HEMK2: variants seen among roughly 807,000 people sequenced by gnomAD.
HEMK2 encodes methyltransferase HEMK2.
At chr21:28,699,625 T>A in the HEMK2 span, among the ~76,000 whole-genome samples, 1 of 152,190 alleles carries the variant, frequency 6.6e-6, no homozygotes, top group South Asian at 2.1e-4. Context: ...CGATTTAAGA[T>A]TTTATCAAAT....
At chr21:28,671,113 G>A in the HEMK2 span, 1 of 152,226 alleles carries the variant, frequency 6.6e-6, no homozygotes, top group Non-Finnish European at 1.5e-5. Flanking sequence ...GGAACAAGGA[G>A]GGGCAAGAGC....
At chr21:28,712,224 C>T in the HEMK2 span, among the ~76,000 whole-genome samples, 2 of 152,148 alleles carry the variant, frequency 1.3e-5, no homozygotes, top group South Asian at 2.1e-4. Context: ...GTTGATAATT[C>T]CCCACTCCCT....
chr21:28,841,644 C>T, the HEMK2 span, among the ~76,000 whole-genome samples: 42 of 149,190 alleles, frequency 2.8e-4, 1 homozygote, highest in African/African-American at 9.1e-4. Flanking sequence ...AAGAATTATA[C>T]GATGGACTTT....
At chr21:28,876,383 T>TGCTAA in the HEMK2 span, 1 of 1,598,110 alleles carries the variant, frequency 6.3e-7, no homozygotes. Flanking sequence ...ACACACTGTA[T>TGCTAA]GCTAAGACTT....
chr21:28,588,858 C>T, the HEMK2 span, among the ~76,000 whole-genome samples: 3 of 151,816 alleles, frequency 2.0e-5, no homozygotes, highest in South Asian at 2.1e-4. Flanking sequence ...TGGTGGGCAC[C>T]TGTAGTCCCA....
At chr21:28,679,193 G>A in the HEMK2 span, among the ~76,000 whole-genome samples, 1 of 152,144 alleles carries the variant, frequency 6.6e-6, no homozygotes, top group Non-Finnish European at 1.5e-5. Flanking sequence ...TAAAGGGATG[G>A]AGGAAGATCT....
chr21:28,678,311 G>A, the HEMK2 span, among the ~76,000 whole-genome samples: 2 of 152,146 alleles, frequency 1.3e-5, no homozygotes, highest in African/African-American at 2.4e-5. Context: ...AATATCATAT[G>A]AACGAAATGA....
At chr21:28,723,246 C>T in the HEMK2 span, among the ~76,000 whole-genome samples, 1 of 152,162 alleles carries the variant, frequency 6.6e-6, no homozygotes, top group African/African-American at 2.4e-5. Context: ...AAACTCTTGG[C>T]TTCAAAAGAT....
At chr21:28,580,615 C>T in the HEMK2 span, among the ~76,000 whole-genome samples, 1 of 151,794 alleles carries the variant, frequency 6.6e-6, no homozygotes, top group Non-Finnish European at 1.5e-5. Flanking sequence ...CTTTAGTATG[C>T]ACAGTGAAAG....
the HEMK2 span, among the ~76,000 whole-genome samples, chr21:28,769,168 C>T: frequency 6.6e-6 from 1 of 152,048 alleles, no homozygotes; most frequent in South Asian, 2.1e-4. Context: ...GACAGGAGAT[C>T]TCTCCAGATG....
chr21:28,825,522 T>G, the HEMK2 span, among the ~76,000 whole-genome samples: 11 of 152,130 alleles, frequency 7.2e-5, no homozygotes, highest in African/African-American at 2.7e-4. Context: ...TGAGCTAACA[T>G]GGCAGGACCA....
chr21:28,653,986 T>C, the HEMK2 span, among the ~76,000 whole-genome samples: 1 of 152,174 alleles, frequency 6.6e-6, no homozygotes, highest in Non-Finnish European at 1.5e-5. Context: ...AACGCTAACC[T>C]ATATGCAAAC....
the HEMK2 span, among the ~76,000 whole-genome samples, chr21:28,713,270 C>CA: frequency 6.6e-6 from 1 of 152,146 alleles, no homozygotes; most frequent in African/African-American, 2.4e-5. Context: ...TCACAGCCAC[C>CA]ATCATCTCTC....
the HEMK2 span, among the ~76,000 whole-genome samples, chr21:28,651,716 A>G: frequency 1.3e-5 from 2 of 152,186 alleles, no homozygotes; most frequent in African/African-American, 4.8e-5. Flanking sequence ...CTCTATATCA[A>G]CCACCTCAGA....
At chr21:28,722,368 C>T in the HEMK2 span, among the ~76,000 whole-genome samples, 37 of 152,190 alleles carry the variant, frequency 2.4e-4, no homozygotes, top group Middle Eastern at 0.014. Context: ...CCAGCAGGAA[C>T]AGGAGTCCGA....
the HEMK2 span, among the ~76,000 whole-genome samples, chr21:28,792,529 C>T: frequency 6.6e-6 from 1 of 152,150 alleles, no homozygotes; most frequent in Non-Finnish European, 1.5e-5. Context: ...GTGCCCTGCT[C>T]TTGCGGTTGT....
At chr21:28,783,615 C>T in the HEMK2 span, among the ~76,000 whole-genome samples, 2 of 152,246 alleles carry the variant, frequency 1.3e-5, no homozygotes, top group Non-Finnish European at 2.9e-5. Flanking sequence ...AGCCCTCGCT[C>T]GCTCTTGGCA....
the HEMK2 span, among the ~76,000 whole-genome samples, chr21:28,695,758 G>T: frequency 7.5e-6 from 1 of 132,782 alleles, no homozygotes; most frequent in Admixed American, 8.0e-5. Flanking sequence ...AACCAATCAT[G>T]CCTTCCCAAT....
At chr21:28,707,126 T>C in the HEMK2 span, among the ~76,000 whole-genome samples, 10 of 152,198 alleles carry the variant, frequency 6.6e-5, no homozygotes, top group Non-Finnish European at 1.3e-4. Flanking sequence ...GAAAATTACA[T>C]TGAGAATGTT....
Sources: allele counts gnomAD v4.1 joint callset (sites outside exome capture counted in the v4.1 genomes callset), GRCh38; gene constraint gnomAD v4.1.1; transcripts MANE v1.5; gene names NCBI Gene and HGNC (gene_info 2026-07-23, HGNC 2026-07-21).